EYS: variants seen among roughly 807,000 people sequenced by gnomAD.
EYS encodes protein eyes shut homolog.
EYS carries 250 observed loss-of-function variants against 282.1 expected under a neutral mutation model. The observed-to-expected ratio is 0.89, with a 90% confidence interval of 0.80 to 0.98. The LOEUF (loss-of-function observed/expected upper bound fraction) is 0.98. Ranked by LOEUF, EYS falls within the 50% of genes least tolerant of loss-of-function variation. EYS has a pLI of 0.00. For missense variants in EYS, 4,016 were observed against 3,709.0 expected (o/e 1.08, Z -2.15); for synonymous variants, 1,355 against 1,282.9 (o/e 1.06, Z -1.20).
At chr6:64,254,927 C>T (rs1767341144) in intron 30 of EYS, among the ~76,000 whole-genome samples, 2 of 152,010 alleles carry the variant, frequency 1.3e-5, no homozygotes, top group South Asian at 4.1e-4. Context: ...GTTTTGAAGA[C>T]TATTAGATTT....
At chr6:64,600,440 G>C (rs1367993590) in intron 24 of EYS, among the ~76,000 whole-genome samples, 5 of 152,108 alleles carry the variant, frequency 3.3e-5, no homozygotes, top group Admixed American at 2.0e-4. Context: ...AAAAACTCTA[G>C]TAATAATCAA....
chr6:65,071,022 A>G (rs987402043), intron 12 of EYS, among the ~76,000 whole-genome samples: 1 of 151,882 alleles, frequency 6.6e-6, no homozygotes, highest in Non-Finnish European at 1.5e-5. Flanking sequence ...TATGACATTT[A>G]CTATCTTAAA....
chr6:64,442,161 G>A (rs1031045352), intron 26 of EYS, among the ~76,000 whole-genome samples: 1 of 152,144 alleles, frequency 6.6e-6, no homozygotes, highest in Non-Finnish European at 1.5e-5. Flanking sequence ...ACAGAGATTA[G>A]GAACTTGTTG....
chr6:64,596,777 G>T (rs1216172587), intron 24 of EYS, among the ~76,000 whole-genome samples: 5 of 152,088 alleles, frequency 3.3e-5, no homozygotes, highest in African/African-American at 7.2e-5. Context: ...CAGAGTAAAT[G>T]CCTCAGGACA....
At chr6:63,806,060 A>C (rs542555658) in intron 37 of EYS, 130 bp downstream of exon 37, 293 of 732,312 alleles carry the variant, frequency 4.0e-4, no homozygotes, top group Non-Finnish European at 6.0e-4. Flanking sequence ...TGCTCAAGGC[A>C]GAAAACAGGA....
intron 13 of EYS, among the ~76,000 whole-genome samples, chr6:65,028,842 T>C (rs1162566403): frequency 6.6e-6 from 1 of 152,112 alleles, no homozygotes; most frequent in Non-Finnish European, 1.5e-5. Context: ...TAGCAATCAT[T>C]GATAATTTTC....
At chr6:64,094,047 T>C (rs993770263) in intron 31 of EYS, among the ~76,000 whole-genome samples, 1 of 152,218 alleles carries the variant, frequency 6.6e-6, no homozygotes, top group African/African-American at 2.4e-5. Flanking sequence ...GTTTATATGC[T>C]GGATTACATT....
chr6:65,599,518 T>A (rs372330479), intron 2 of EYS, among the ~76,000 whole-genome samples: 1 of 152,102 alleles, frequency 6.6e-6, no homozygotes, highest in African/African-American at 2.4e-5. Context: ...CCTTGATCCA[T>A]CTTTGTGAAC....
intron 1 of EYS, among the ~76,000 whole-genome samples, chr6:65,687,660 C>T (rs1050781275): frequency 2.0e-5 from 3 of 152,142 alleles, no homozygotes; most frequent in African/African-American, 4.8e-5. Flanking sequence ...TTGCAGACGA[C>T]ATGATTATAT....
chr6:65,372,536 G>GAAAAT (rs547639608), intron 8 of EYS, among the ~76,000 whole-genome samples: 11 of 151,890 alleles, frequency 7.2e-5, no homozygotes, highest in African/African-American at 2.7e-4. Flanking sequence ...ATATAAACAT[G>GAAAAT]AAAATAACTA....
chr6:64,935,747 A>T (rs1165770642), intron 15 of EYS, among the ~76,000 whole-genome samples: 1 of 151,768 alleles, frequency 6.6e-6, no homozygotes, highest in East Asian at 1.9e-4. Context: ...AAACCACGGA[A>T]AGTAACCCAA....
chr6:64,024,521 A>C (rs1769380909), intron 33 of EYS, among the ~76,000 whole-genome samples: 1 of 152,078 alleles, frequency 6.6e-6, no homozygotes, highest in Non-Finnish European at 1.5e-5. Flanking sequence ...CTTCCCGAGC[A>C]AGCAGTGGCA....
At chr6:64,604,941 A>G (rs1417563649) in intron 24 of EYS, among the ~76,000 whole-genome samples, 2 of 152,056 alleles carry the variant, frequency 1.3e-5, no homozygotes, top group Non-Finnish European at 2.9e-5. Context: ...CAAGGTCTCA[A>G]AAGCACATTG....
rs556484198 is a variant in EYS at position 65,679,916 on chromosome 6, ACT to A, written c.-448+27217_-448+27218del. On this transcript the variant is annotated intron_variant, in intron 1 of 42. Coordinates refer to ENST00000503581, the MANE Select transcript of EYS (RefSeq NM_001142800.2). ...GCAATAGCCTTCAGTCAGAATAAAA[ACT>A]CTGGTATCTAAGAACATCTCCAGAC... Among the ~76,000 whole-genome samples, 576 of 151,930 alleles carry A rather than the reference ACT, an allele frequency of 3.8e-3. 3 individuals are homozygous for A. Among genetic ancestry groups the A allele is most frequent in the Middle Eastern group, 6.8e-3 (2 of 294 alleles).
chr6:63,989,142 G>A (rs565450873), intron 34 of EYS, among the ~76,000 whole-genome samples: 1 of 151,670 alleles, frequency 6.6e-6, no homozygotes, highest in Admixed American at 6.6e-5. Flanking sequence ...ATACTTTTCG[G>A]TTAAGATGAA....
intron 35 of EYS, among the ~76,000 whole-genome samples, chr6:63,932,490 T>A (rs1764925535): frequency 6.6e-6 from 1 of 152,226 alleles, no homozygotes; most frequent in Admixed American, 6.5e-5. Flanking sequence ...ACTCAATAAC[T>A]ATTCTTTACA....
chr6:65,627,448 C>T (rs1015014462), intron 2 of EYS, among the ~76,000 whole-genome samples: 12 of 152,216 alleles, frequency 7.9e-5, no homozygotes, highest in Admixed American at 6.5e-4. Context: ...GCCCTTCGGC[C>T]GCCGCTGCAC....
chr6:64,515,994 C>G (rs116581802), intron 26 of EYS, among the ~76,000 whole-genome samples: 1 of 151,650 alleles, frequency 6.6e-6, no homozygotes, highest in Non-Finnish European at 1.5e-5. Flanking sequence ...TAAATTCCAG[C>G]TTTTAAAAGT....
chr6:64,230,085 T>C (rs1766375145), intron 31 of EYS, among the ~76,000 whole-genome samples: 1 of 152,184 alleles, frequency 6.6e-6, no homozygotes, highest in Non-Finnish European at 1.5e-5. Context: ...ATGTTGACAA[T>C]AGGAGAATAT....
Sources: gnomAD v4.1 joint callset for allele counts (sites outside exome capture counted in the v4.1 genomes callset) on GRCh38, gnomAD v4.1.1 for gene constraint, MANE v1.5 for transcripts, NCBI Gene and HGNC (gene_info 2026-07-23, HGNC 2026-07-21) for gene names.